NYAP2: variants seen among roughly 807,000 people sequenced by gnomAD.
NYAP2 encodes the protein neuronal tyrosine-phosphorylated phosphoinositide-3-kinase adapter 2.
Under a neutral mutation model 50.4 loss-of-function variants are expected in NYAP2, and 23 were observed. That is an observed-to-expected ratio of 0.46 (90% CI 0.33 to 0.65). The LOEUF is 0.65. NYAP2 is among the 30% of genes least tolerant of loss of function. The pLI is 0.02. For synonymous variants in NYAP2, 394 were observed against 365.2 expected (o/e 1.08, Z -0.90); for missense variants, 885 against 861.0 (o/e 1.03, Z -0.35).
At chr2:225,675,138 T>A in the NYAP2 span, among the ~76,000 whole-genome samples, 1 of 152,166 alleles carries the variant, frequency 6.6e-6, no homozygotes, top group African/African-American at 2.4e-5. Flanking sequence ...TCGAACTTTT[T>A]AAAAATTTCA....
chr2:225,580,617 GA>G (rs1242575470), intron 4 of NYAP2, among the ~76,000 whole-genome samples: 1 of 152,200 alleles, frequency 6.6e-6, no homozygotes, highest in East Asian at 1.9e-4. Flanking sequence ...CTAGAAAGGT[GA>G]AATACATAGT....
intron 3 of NYAP2, among the ~76,000 whole-genome samples, chr2:225,506,471 G>A (rs1051503134): frequency 2.0e-5 from 3 of 152,178 alleles, no homozygotes; most frequent in African/African-American, 7.2e-5. Flanking sequence ...AGGAAGAGGT[G>A]TTACTAGTGG....
At chr2:225,470,750 T>A (rs564430788) in intron 3 of NYAP2, among the ~76,000 whole-genome samples, 2 of 152,296 alleles carry the variant, frequency 1.3e-5, no homozygotes, top group African/African-American at 4.8e-5. Context: ...TTGTAAGAAC[T>A]ATTTTTTTAA....
chr2:225,635,513 T>G (rs1451162313), intron 6 of NYAP2, among the ~76,000 whole-genome samples: 1 of 152,188 alleles, frequency 6.6e-6, no homozygotes, highest in African/African-American at 2.4e-5. Flanking sequence ...CATTCAATTT[T>G]ACTGGAAAAA....
downstream of NYAP2, among the ~76,000 whole-genome samples, chr2:225,654,229 G>T (rs1693787649): frequency 2.0e-5 from 3 of 152,016 alleles, no homozygotes; most frequent in African/African-American, 7.2e-5. Flanking sequence ...AACAAGGATA[G>T]GGAACACCTA....
the NYAP2 span, chr2:225,703,529 A>G: frequency 6.6e-6 from 1 of 151,902 alleles, no homozygotes; most frequent in Non-Finnish European, 1.5e-5. Flanking sequence ...TGATACTACT[A>G]AAGTAACCAG....
chr2:225,657,655 G>A (rs1008964827), downstream of NYAP2, among the ~76,000 whole-genome samples: 7 of 148,878 alleles, frequency 4.7e-5, no homozygotes, highest in Non-Finnish European at 1.0e-4. Flanking sequence ...TAAAATGTAA[G>A]AGTAGAAAAA....
chr2:225,595,729 T>C (rs1692584716), intron 5 of NYAP2, among the ~76,000 whole-genome samples: 1 of 151,922 alleles, frequency 6.6e-6, no homozygotes, highest in Non-Finnish European at 1.5e-5. Flanking sequence ...ATATAAACCA[T>C]AATCAAATTG....
chr2:225,428,746 G>T (rs1460600141), intron 3 of NYAP2, among the ~76,000 whole-genome samples: 1 of 152,144 alleles, frequency 6.6e-6, no homozygotes, highest in Non-Finnish European at 1.5e-5. Context: ...CAGGAAACTG[G>T]GCTTTAGAAT....
intron 3 of NYAP2, among the ~76,000 whole-genome samples, chr2:225,497,161 A>G (rs1690521342): frequency 6.6e-6 from 1 of 152,184 alleles, no homozygotes; most frequent in Non-Finnish European, 1.5e-5. Flanking sequence ...GGGAAAGTGC[A>G]TTGTTCCCAG....
chr2:225,668,956 CTTTTTTTTTTTTTT>C, the NYAP2 span, among the ~76,000 whole-genome samples: 37 of 69,570 alleles, frequency 5.3e-4, no homozygotes, highest in Non-Finnish European at 7.8e-4. Context: ...GTGTCCCCTG[CTTTTTTTTTTTTTT>C]TTTTTTTTTT....
At chr2:225,478,891 G>A (rs1559191011) in intron 3 of NYAP2, among the ~76,000 whole-genome samples, 1 of 152,140 alleles carries the variant, frequency 6.6e-6, no homozygotes, top group Non-Finnish European at 1.5e-5. Flanking sequence ...TCTGAATATT[G>A]TGCAAGGATT....
At chr2:225,583,421 C>A (rs1047806554) in intron 5 of NYAP2, among the ~76,000 whole-genome samples, 6 of 152,090 alleles carry the variant, frequency 3.9e-5, no homozygotes, top group African/African-American at 1.4e-4. Context: ...GCAATCTTAA[C>A]GTGCAAAATG....
At chr2:225,461,307 C>A (rs1689827646) in intron 3 of NYAP2, among the ~76,000 whole-genome samples, 1 of 152,156 alleles carries the variant, frequency 6.6e-6, no homozygotes, top group South Asian at 2.1e-4. Flanking sequence ...AAATTGTCAC[C>A]CAGCCTGAAA....
At chr2:225,402,854 C>T (rs1053371594) in intron 2 of NYAP2, among the ~76,000 whole-genome samples, 3 of 151,820 alleles carry the variant, frequency 2.0e-5, no homozygotes, top group African/African-American at 7.3e-5. Context: ...TAATGCTTGA[C>T]AAATTATAAG....
chr2:225,595,324 A>G (rs1012683320), intron 5 of NYAP2, among the ~76,000 whole-genome samples: 3 of 152,166 alleles, frequency 2.0e-5, no homozygotes, highest in African/African-American at 7.2e-5. Context: ...TTTTGTTCCC[A>G]TGTCACAACT....
At chr2:225,510,866 A>G (rs962427169) in intron 3 of NYAP2, among the ~76,000 whole-genome samples, 2 of 152,130 alleles carry the variant, frequency 1.3e-5, no homozygotes, top group African/African-American at 4.8e-5. Flanking sequence ...TGCTGTTAAA[A>G]AAGATAATTC....
chr2:225,546,835 A>C (rs1002743302), intron 4 of NYAP2, among the ~76,000 whole-genome samples: 1 of 152,152 alleles, frequency 6.6e-6, no homozygotes, highest in Non-Finnish European at 1.5e-5. Context: ...GTATCACCCC[A>C]GGCTGACCTG....
chr2:225,577,806 ATTTTTT>A (rs10595085), intron 4 of NYAP2, among the ~76,000 whole-genome samples: 1 of 147,930 alleles, frequency 6.8e-6, no homozygotes, highest in African/African-American at 2.5e-5. Flanking sequence ...TGAAAAGCAG[ATTTTTT>A]TTTTTTTTTA....
Sources: allele counts gnomAD v4.1 joint callset (sites outside exome capture counted in the v4.1 genomes callset), GRCh38; gene constraint gnomAD v4.1.1; transcripts MANE v1.5; gene names NCBI Gene and HGNC (gene_info 2026-07-23, HGNC 2026-07-21).